The following ADGRV1 variants were observed in gnomAD, a reference collection of about 807,000 sequenced individuals.
The protein encoded by ADGRV1 is adhesion G protein-coupled receptor V1, also known as G-protein coupled receptor 98.
In ADGRV1, 359 loss-of-function variants were observed where a neutral mutation model predicts 596.2. The observed-to-expected ratio is 0.60, with a 90% CI of 0.55 to 0.66. ADGRV1 has a LOEUF of 0.66. Ranked by LOEUF, ADGRV1 falls within the 30% of genes least tolerant of loss-of-function variation. The pLI, the probability that ADGRV1 is intolerant of heterozygous loss-of-function variation, is 0.00. For synonymous variants in ADGRV1, 2,681 were observed against 2,679.2 expected (o/e 1.00, Z -0.02); for missense variants, 7,274 against 7,575.6 (o/e 0.96, Z 1.48).
Position 90,708,897 on chromosome 5 carries a change from C to T in ADGRV1, c.8812C>T (p.Pro2938Ser), listed in dbSNP as rs1467640733. The change falls in exon 39 of 90, where the codon CCT (proline) becomes TCT (serine). Residue 2938 changes from proline (P) to serine (S), a missense_variant. Around this residue, in one of 5 missense-constraint regions of ADGRV1, gnomAD observed 3,643 missense variants for 3,809.2 expected, o/e 0.96. Transcript: ENST00000405460. ...TACCATGGCTGCTTCAACTTCATTT[C>T]CTCCCAGACTAGGTATGAGGGGTTT... ...GLTMAASTSFPPRLDSEGLTA... is the reference protein window; with the variant it reads ...GLTMAASTSFSPRLDSEGLTA... 1 of 1,608,308 alleles carries T rather than the reference C, an allele frequency of 6.2e-7. No homozygotes were observed. The highest frequency in any genetic ancestry group is 1.7e-5 in the Admixed American group (1 of 59,916).
intron 83 of ADGRV1, among the ~76,000 whole-genome samples, chr5:90,900,479 GTTTGT>G (rs370524654): frequency 2.2e-4 from 34 of 151,944 alleles, no homozygotes; most frequent in African/African-American, 8.2e-4. Flanking sequence ...ATACCTCAGA[GTTTGT>G]TTTGTTTTGC....
chr5:90,596,761 G>A (rs1448203669), intron 1 of ADGRV1, among the ~76,000 whole-genome samples: 2 of 152,196 alleles, frequency 1.3e-5, no homozygotes, highest in African/African-American at 4.8e-5. Flanking sequence ...CTTCCGCTCG[G>A]CATCAGAGGG....
intron 83 of ADGRV1, among the ~76,000 whole-genome samples, chr5:90,875,821 G>T (rs1309054937): frequency 2.6e-5 from 4 of 152,142 alleles, no homozygotes; most frequent in African/African-American, 7.2e-5. Context: ...GTGTTCCAAA[G>T]GAATGAAATT....
intron 27 of ADGRV1, among the ~76,000 whole-genome samples, chr5:90,682,207 A>G (rs1413049952): frequency 6.6e-6 from 1 of 152,058 alleles, no homozygotes; most frequent in Non-Finnish European, 1.5e-5. Flanking sequence ...ATTATTAGTC[A>G]CTTTAGGCAC....
At chr5:90,598,537 G>A (rs188167735) in intron 1 of ADGRV1, among the ~76,000 whole-genome samples, 3 of 152,304 alleles carry the variant, frequency 2.0e-5, no homozygotes, top group Admixed American at 6.5e-5. Context: ...TGGGGCTAGC[G>A]AGGCACATGG....
At chr5:90,930,167 C>G (rs1382636331) in intron 83 of ADGRV1, among the ~76,000 whole-genome samples, 4 of 152,118 alleles carry the variant, frequency 2.6e-5, no homozygotes, top group African/African-American at 9.7e-5. Context: ...ATTTTAAGGA[C>G]AGATTATGCT....
At chr5:90,849,670 G>A (rs958573927) in intron 79 of ADGRV1, among the ~76,000 whole-genome samples, 12 of 152,170 alleles carry the variant, frequency 7.9e-5, no homozygotes, top group African/African-American at 2.2e-4. Flanking sequence ...GATTACAAGC[G>A]TGAGCCACTG....
chr5:90,608,760 A>G (rs1762397734), intron 1 of ADGRV1, among the ~76,000 whole-genome samples: 1 of 152,114 alleles, frequency 6.6e-6, no homozygotes, highest in Non-Finnish European at 1.5e-5. Flanking sequence ...AGGATGAAAC[A>G]CAGGAAAGGA....
chr5:90,661,906 G>A (rs1327230640), intron 21 of ADGRV1, among the ~76,000 whole-genome samples: 1 of 152,092 alleles, frequency 6.6e-6, no homozygotes, highest in Non-Finnish European at 1.5e-5. Context: ...ACATACCGGA[G>A]TCTAGTATTT....
At chr5:90,706,779 T>C (rs1996551) in intron 38 of ADGRV1, among the ~76,000 whole-genome samples, 24,615 of 151,530 alleles carry the variant, frequency 0.16, 2,244 homozygotes, top group East Asian at 0.41. Flanking sequence ...TTGGACACTC[T>C]ACAATTATAA....
intron 83 of ADGRV1, among the ~76,000 whole-genome samples, chr5:90,940,149 T>C (rs2150856923): frequency 6.6e-6 from 1 of 152,338 alleles, no homozygotes; most frequent in East Asian, 1.9e-4. Context: ...GTAAAAGAAC[T>C]GCAGTTATTT....
At chr5:90,767,848 G>A (rs1757311220) in intron 59 of ADGRV1, among the ~76,000 whole-genome samples, 1 of 152,156 alleles carries the variant, frequency 6.6e-6, no homozygotes, top group African/African-American at 2.4e-5. Flanking sequence ...TTCTTGAGGT[G>A]TGATTACCCT....
chr5:90,959,659 T>C (rs544339584), intron 83 of ADGRV1, among the ~76,000 whole-genome samples: 3 of 151,574 alleles, frequency 2.0e-5, no homozygotes, highest in African/African-American at 7.3e-5. Context: ...CCCACATATA[T>C]AGGCAAGTAT....
intron 87 of ADGRV1, among the ~76,000 whole-genome samples, chr5:91,145,034 T>G (rs1182845743): frequency 6.6e-6 from 1 of 152,254 alleles, no homozygotes; most frequent in African/African-American, 2.4e-5. Flanking sequence ...GTACTTTGGA[T>G]AATGAAAGTC....
At position 90,647,721 on chromosome 5, in the gene ADGRV1, G is replaced by A. The variant is rs369418240; in HGVS notation, c.3246G>A (p.Pro1082=). The change falls in exon 17 of 90, where the codon CCG becomes CCA. Residue 1082 remains proline, a synonymous_variant. Transcript: ENST00000405460. ...TATTTGTTAATGAAGATGGTATCCCGGAAACAGATGAGCCCTTTTATATAA... is the reference window on the plus strand; with the variant it reads ...TATTTGTTAATGAAGATGGTATCCCAGAAACAGATGAGCCCTTTTATATAA... ...ISIFVNEDGI[P]ETDEPFYIIL... 25 of 1,613,564 alleles carry A rather than the reference G, an allele frequency of 1.5e-5. No individual in the cohort carries two copies. Among genetic ancestry groups the A allele is most frequent in the Admixed American group, 5.0e-5 (3 of 60,000 alleles).
chr5:90,774,148 C>A lies in ADGRV1; in HGVS notation c.12286-38C>A. 6 of 1,225,590 alleles carry A rather than the reference C, an allele frequency of 4.9e-6. No homozygotes were observed. In the South Asian group the frequency reaches 5.8e-5, roughly 12 times the overall value. The allele number at this position is 1,225,590 out of a possible 1,614,324, so 75.9% of individuals were successfully genotyped here. On this transcript the variant is annotated intron_variant, in intron 59 of 89. Coordinates refer to ENST00000405460, the MANE Select transcript of ADGRV1 (RefSeq NM_032119.4). ...ACAACATTCAAACTTTGGCTTTGGTCAATCTGGAAAATGCACTGTTTCTGT... is the reference window on the plus strand; with the variant it reads ...ACAACATTCAAACTTTGGCTTTGGTAAATCTGGAAAATGCACTGTTTCTGT...
In ADGRV1 at chr5:90,625,531, C is replaced by T. The variant is rs759784238; in HGVS notation, c.672+288C>T. 7.1e-4 allele frequency: 166 copies of T among 234,132 alleles called. 1 individual carries two copies. The highest frequency in any genetic ancestry group is 1.2e-3 in the Non-Finnish European group (145 of 121,870). The allele number at this position is 234,132 out of a possible 1,614,324, so 14.5% of individuals were successfully genotyped here. ...CTTTCAATTTTGAGCAAGAACAATA[C>T]TAACCTAGAATAAATATTTTACCAT... On this transcript the variant is annotated intron_variant, in intron 6 of 89. Coordinates refer to ENST00000405460, the MANE Select transcript of ADGRV1 (RefSeq NM_032119.4).
At chr5:90,607,948 A>G (rs955130308) in intron 1 of ADGRV1, among the ~76,000 whole-genome samples, 2 of 152,118 alleles carry the variant, frequency 1.3e-5, no homozygotes, top group Non-Finnish European at 2.9e-5. Context: ...GAATACAAAG[A>G]GGGAAGATTT....
At chr5:91,160,924 C>A (rs1411673508) in intron 89 of ADGRV1, among the ~76,000 whole-genome samples, 1 of 152,126 alleles carries the variant, frequency 6.6e-6, no homozygotes, top group African/African-American at 2.4e-5. Flanking sequence ...CTAGAACTTG[C>A]TTACATATCT....
Sources: allele counts gnomAD v4.1 joint callset (sites outside exome capture counted in the v4.1 genomes callset), GRCh38; gene constraint gnomAD v4.1.1; regional missense constraint gnomAD v4.1.1; transcripts MANE v1.5; gene names NCBI Gene and HGNC (gene_info 2026-07-23, HGNC 2026-07-21).